The following CEP83 variants were observed in gnomAD, a reference collection of about 807,000 sequenced individuals.
CEP83 encodes centrosomal protein 83.
Under a neutral mutation model 101.9 loss-of-function variants are expected in CEP83, and 70 were observed. The observed-to-expected ratio is 0.69, with a 90% CI of 0.57 to 0.84. CEP83 has a LOEUF of 0.84. Ranked by LOEUF, CEP83 falls within the 40% of genes least tolerant of loss-of-function variation. The probability of loss-of-function intolerance (pLI) is 0.00; values close to 1 mark genes in which losing one functional copy is unlikely to be tolerated. For missense variants in CEP83, 715 were observed against 787.2 expected, an observed-to-expected ratio of 0.91 and a Z score of 1.10; for synonymous variants, 264 against 267.9, an observed-to-expected ratio of 0.99 and a Z score of 0.14.
At chr12:94,455,104 A>G (rs1221028088) in intron 1 of CEP83, among the ~76,000 whole-genome samples, 3 of 152,224 alleles carry the variant, frequency 2.0e-5, no homozygotes, top group African/African-American at 4.8e-5. Context: ...AGCGAGACCA[A>G]GAACCCACCA....
chr12:94,366,051 T>C (rs1398360086), intron 11 of CEP83, among the ~76,000 whole-genome samples: 5 of 151,480 alleles, frequency 3.3e-5, no homozygotes, highest in South Asian at 2.1e-4. Flanking sequence ...TGGGGCAGGA[T>C]AGATGAGAAA....
At chr12:94,410,228 T>C (rs78518046) in intron 4 of CEP83, among the ~76,000 whole-genome samples, 8,540 of 152,272 alleles carry the variant, frequency 0.056, 263 homozygotes, top group Non-Finnish European at 0.072. Context: ...AGTTCCTGCC[T>C]TCATGGAGCC....
At chr12:94,323,551 T>C (rs1035190826) in intron 14 of CEP83, among the ~76,000 whole-genome samples, 13 of 152,150 alleles carry the variant, frequency 8.5e-5, no homozygotes, top group African/African-American at 3.1e-4. Flanking sequence ...TCTTGATGAA[T>C]CCCAATGCGT....
chr12:94,339,013 G>A (rs1379779507), intron 11 of CEP83, among the ~76,000 whole-genome samples: 10 of 150,794 alleles, frequency 6.6e-5, no homozygotes, highest in African/African-American at 2.4e-4. Context: ...TGCCCAGGCT[G>A]GAGTGCAATG....
At chr12:94,387,807 CA>C (rs2062240996) in intron 6 of CEP83, among the ~76,000 whole-genome samples, 2 of 151,854 alleles carry the variant, frequency 1.3e-5, no homozygotes, top group African/African-American at 4.8e-5. Context: ...GACATATAAG[CA>C]GCCAACAAAC....
intron 4 of CEP83, among the ~76,000 whole-genome samples, chr12:94,406,352 C>A (rs1168526423): frequency 8.0e-6 from 1 of 125,244 alleles, no homozygotes; most frequent in African/African-American, 3.1e-5. Flanking sequence ...AAAACAAAAA[C>A]AACAACAACA....
At chr12:94,271,132 T>A in the CEP83 span, among the ~76,000 whole-genome samples, 2 of 152,248 alleles carry the variant, frequency 1.3e-5, no homozygotes, top group Non-Finnish European at 2.9e-5. Context: ...TTCTCTTGAC[T>A]TTCATTCGGC....
At chr12:94,343,335 A>G (rs2059775919) in intron 11 of CEP83, among the ~76,000 whole-genome samples, 1 of 152,088 alleles carries the variant, frequency 6.6e-6, no homozygotes, top group South Asian at 2.1e-4. Context: ...AATTTTTTGC[A>G]CCCTGGGTGC....
chr12:94,286,304 G>A, the CEP83 span, among the ~76,000 whole-genome samples: 2 of 152,136 alleles, frequency 1.3e-5, no homozygotes, highest in African/African-American at 2.4e-5. Flanking sequence ...AAGGAAACGG[G>A]AGGTCATTGG....
chr12:94,276,274 C>T, the CEP83 span, among the ~76,000 whole-genome samples: 1 of 152,168 alleles, frequency 6.6e-6, no homozygotes, highest in East Asian at 1.9e-4. Flanking sequence ...ACTGCAATTA[C>T]CCGCCACCAT....
At chr12:94,428,039 T>C (rs2065340769) in intron 2 of CEP83, among the ~76,000 whole-genome samples, 1 of 152,222 alleles carries the variant, frequency 6.6e-6, no homozygotes, top group Non-Finnish European at 1.5e-5. Flanking sequence ...AGGAAGAAGA[T>C]ATGTATTCAA....
chr12:94,357,847 G>A (rs113509097), intron 11 of CEP83, among the ~76,000 whole-genome samples: 2 of 152,186 alleles, frequency 1.3e-5, no homozygotes, highest in African/African-American at 4.8e-5. Context: ...AGCAGAGCCA[G>A]GAAAGCACAT....
At chr12:94,370,688 C>A (rs1335404495) in intron 8 of CEP83, among the ~76,000 whole-genome samples, 4 of 152,114 alleles carry the variant, frequency 2.6e-5, no homozygotes, top group Non-Finnish European at 5.9e-5. Flanking sequence ...TGAAACCTTC[C>A]TTTTAAAAAG....
rs146112378 is a variant in CEP83 at position 94,377,022 on chromosome 12, T to C, written c.802-1005A>G. ...TCCCAAACTGCTGGGATTACAGGCA[T>C]AAGCGACCACACCTGACCTCAACAT... On this transcript the variant is annotated intron_variant, in intron 7 of 16. Coordinates refer to ENST00000397809, the MANE Select transcript of CEP83 (RefSeq NM_016122.3). 2.1e-3 allele frequency among the ~76,000 whole-genome samples: 327 copies of C among 152,254 alleles called. 1 individual carries two copies. Among genetic ancestry groups the C allele is most frequent in the African/African-American group, 7.4e-3 (307 of 41,560 alleles).
chr12:94,282,408 G>A, the CEP83 span: 56 of 1,578,100 alleles, frequency 3.5e-5, no homozygotes, highest in South Asian at 6.1e-4. Flanking sequence ...TGAGGTAAGA[G>A]CAAGACTTGA....
At chr12:94,318,747 T>A (rs1971120699) in intron 14 of CEP83, among the ~76,000 whole-genome samples, 1 of 152,210 alleles carries the variant, frequency 6.6e-6, no homozygotes, top group South Asian at 2.1e-4. Flanking sequence ...CAACCTTGCA[T>A]CCCAAAGATA....
At chr12:94,354,431 C>T (rs1441743533) in intron 11 of CEP83, among the ~76,000 whole-genome samples, 1 of 152,044 alleles carries the variant, frequency 6.6e-6, no homozygotes, top group Non-Finnish European at 1.5e-5. Flanking sequence ...AGTGATCTGC[C>T]CACCTTGGTC....
intron 11 of CEP83, among the ~76,000 whole-genome samples, chr12:94,361,705 A>AT (rs796659419): frequency 0.011 from 1,657 of 146,128 alleles, 43 homozygotes; most frequent in African/African-American, 0.038. Flanking sequence ...CTGCAAACTA[A>AT]TTTTTTTTTT....
intron 14 of CEP83, among the ~76,000 whole-genome samples, chr12:94,329,996 C>T (rs1436786115): frequency 4.6e-5 from 7 of 152,168 alleles, no homozygotes; most frequent in Non-Finnish European, 1.0e-4. Context: ...CAACCATCAG[C>T]AACATTTGGC....
Sources: allele counts gnomAD v4.1 joint callset (sites outside exome capture counted in the v4.1 genomes callset), GRCh38; gene constraint gnomAD v4.1.1; transcripts MANE v1.5; gene names NCBI Gene and HGNC (gene_info 2026-07-23, HGNC 2026-07-21).